CLN6: variants seen among roughly 807,000 people sequenced by gnomAD.
CLN6 encodes the protein ceroid-lipofuscinosis neuronal protein 6.
In CLN6, 22 loss-of-function variants were observed where a neutral mutation model predicts 33.3. The observed-to-expected ratio is 0.66, with a 90% CI of 0.47 to 0.94. CLN6 has a LOEUF of 0.94. Among genes scored for constraint, CLN6 ranks in the 40% least tolerant of loss-of-function variants. The pLI is 0.00. For missense variants in CLN6, 387 were observed against 417.1 expected, an observed-to-expected ratio of 0.93 and a Z score of 0.63; for synonymous variants, 201 against 174.6, an observed-to-expected ratio of 1.15 and a Z score of -1.19.
At position 68,246,119 on chromosome 15, in the gene CLN6, G is replaced by A. The variant is rs2141164397; in HGVS notation, c.179+10571C>T. Reference sequence around the variant, plus strand: ...AGATAGACTGTAATACAATACAGTAGGGGACTTCAACACCCCACTTTTCAG... The same window carrying A: ...AGATAGACTGTAATACAATACAGTAAGGGACTTCAACACCCCACTTTTCAG... On this transcript the variant is annotated intron_variant, in intron 1 of 6. Transcript: ENST00000538696. The surrounding 1 kb of genome is among the most constrained non-coding windows in gnomAD (Gnocchi z 4.5). 6.6e-6 allele frequency among the ~76,000 whole-genome samples: 1 copy of A among 152,186 alleles called. No individual in the cohort carries two copies. Among genetic ancestry groups the A allele is most frequent in the East Asian group, 1.9e-4 (1 of 5,192 alleles).
intron 1 of CLN6, among the ~76,000 whole-genome samples, chr15:68,238,110 G>A (rs1362374801): frequency 6.7e-6 from 1 of 148,858 alleles, no homozygotes; most frequent in Non-Finnish European, 1.5e-5. Flanking sequence ...ATGACAGAAT[G>A]AGACTCTGTC....
chr15:68,250,079 C>T (rs1168233000), intron 1 of CLN6, among the ~76,000 whole-genome samples: 8 of 152,072 alleles, frequency 5.3e-5, no homozygotes, highest in Admixed American at 2.6e-4. Context: ...CACTATTGGA[C>T]ATTTCAAAAT....
Position 68,227,295 on chromosome 15 carries a change from T to C in CLN6, c.83+2207A>G, listed in dbSNP as rs1236763284. 6.6e-6 allele frequency among the ~76,000 whole-genome samples: 1 copy of C among 152,200 alleles called. No individual in the cohort carries two copies. Among genetic ancestry groups the C allele is most frequent in the African/African-American group, 2.4e-5 (1 of 41,460 alleles). ...CTCAAGTGATCCACCCACCTTGGCC[T>C]CCCAAAGTGCTGGGATTACAGGCGT... is the stretch of plus-strand genomic sequence containing the variant. On this transcript the variant is annotated intron_variant, in intron 1 of 6. Coordinates refer to ENST00000249806, the MANE Select transcript of CLN6 (RefSeq NM_017882.3). This position sits in a 1 kb window ranked among gnomAD's most constrained non-coding sequence, Gnocchi z 4.1.
At chr15:68,226,500 C>G (rs2093252423) in intron 1 of CLN6, among the ~76,000 whole-genome samples, 1 of 151,882 alleles carries the variant, frequency 6.6e-6, no homozygotes, top group African/African-American at 2.4e-5. Flanking sequence ...GAGTCTCACT[C>G]TTGTTGCCCA....
chr15:68,208,397 C>T lies in CLN6; in HGVS notation c.679G>A (p.Glu227Lys), dbSNP rs746753722. 9.9e-6 allele frequency: 16 copies of T among 1,612,754 alleles called. No individual in the cohort carries two copies. The highest frequency in any genetic ancestry group is 2.7e-5 in the African/African-American group (2 of 74,890). The change falls in exon 7 of 7, where the codon GAG (glutamate) becomes AAG (lysine). Residue 227 changes from glutamate to lysine, a missense_variant. Coordinates refer to ENST00000249806, the MANE Select transcript of CLN6 (RefSeq NM_017882.3). The surrounding 1 kb of genome is among the most constrained non-coding windows in gnomAD (Gnocchi z 5.8). ...ATGAAGAGGATGAAGATCTGGCCCT[C>T]GGTGACCAGGTACCTGGAAAGGCCA... ...SGLYYWYLVT[E>K]GQIFILFIFT...
chr15:68,247,427 A>AAAC lies in CLN6; in HGVS notation c.179+9260_179+9262dup, dbSNP rs1049641377. On this transcript the variant is annotated intron_variant, in intron 1 of 6. Transcript: ENST00000538696. This position sits in a 1 kb window ranked among gnomAD's most constrained non-coding sequence, Gnocchi z 4.2. ...ATTTATAATAGCTGCAAAAACAAACAAACAACAACAACAACAACAAAACCT... is the reference window on the plus strand; with the variant it reads ...ATTTATAATAGCTGCAAAAACAAACAAACAACAACAACAACAACAACAAAACCT... Among the ~76,000 whole-genome samples the AAAC allele has an allele frequency of 1.3e-5, 2 of 152,044 alleles. No individual in the cohort carries two copies. Among genetic ancestry groups the AAAC allele is most frequent in the African/African-American group, 2.4e-5 (1 of 41,364 alleles).
chr15:68,256,610 A>G lies in CLN6; in HGVS notation c.179+80T>C, dbSNP rs898581589. On this transcript the variant is annotated intron_variant, in intron 1 of 6. Coordinates refer to the CLN6 transcript ENST00000538696. This position sits in a 1 kb window ranked among gnomAD's most constrained non-coding sequence, Gnocchi z 4.1. ...CGTGGCTGGCTTCAGGGGTGTGGGC[A>G]GTGCAGTCGCACAGGGCCCCACGTT... 3.4e-6 allele frequency: 2 copies of G among 583,616 alleles called. No individual in the cohort carries two copies. The highest frequency in any genetic ancestry group is 6.1e-6 in the Non-Finnish European group (2 of 325,848). The allele number at this position is 583,616 out of a possible 1,614,324, so 36.2% of individuals were successfully genotyped here.
At chr15:68,223,843 C>T (rs541740476) in intron 1 of CLN6, among the ~76,000 whole-genome samples, 2 of 151,702 alleles carry the variant, frequency 1.3e-5, no homozygotes, top group African/African-American at 4.8e-5. Context: ...GTCAGGAGTT[C>T]GAGACCAGCC....
In CLN6 at chr15:68,209,456, G is replaced by A. The variant is rs1344809104; in HGVS notation, c.665+181C>T. On this transcript the variant is annotated intron_variant, in intron 6 of 6. Coordinates refer to ENST00000249806, the MANE Select transcript of CLN6 (RefSeq NM_017882.3). This position sits in a 1 kb window ranked among gnomAD's most constrained non-coding sequence, Gnocchi z 4.9. ...TGCCACACCCAGGCCTGGGCTTCAT[G>A]GAAACAAAGAGGCCACCACAGGGCA... Among the ~76,000 whole-genome samples, 1 of 152,156 alleles carries A rather than the reference G, an allele frequency of 6.6e-6. No homozygotes were observed. The highest frequency in any genetic ancestry group is 1.5e-5 in the Non-Finnish European group (1 of 68,028).
At chr15:68,252,476 G>T (rs1486977603) in intron 1 of CLN6, among the ~76,000 whole-genome samples, 1 of 152,174 alleles carries the variant, frequency 6.6e-6, no homozygotes. Flanking sequence ...AACAAATTTA[G>T]TAGCAAGTAC....
chr15:68,211,930 C>T lies in CLN6; in HGVS notation c.298-67G>A. 1 of 1,520,038 alleles carries T rather than the reference C, an allele frequency of 6.6e-7. No individual in the cohort carries two copies. 94.2% of individuals were successfully genotyped at this position (1,520,038 alleles called of 1,614,324 possible). A position where few individuals can be genotyped will look rare whatever the true frequency, so the allele number is the denominator to read the frequency against. On this transcript the variant is annotated intron_variant, in intron 3 of 6. Coordinates refer to ENST00000249806, the MANE Select transcript of CLN6 (RefSeq NM_017882.3). The surrounding 1 kb of genome is among the most constrained non-coding windows in gnomAD (Gnocchi z 5.9). ...TCACAGTATGTGACACCCTCTGCTT[C>T]CCCCCTCACACCTGGGGTGGGATGG...
rs965442117 is a variant in CLN6, at chr15:68,237,029, C to T, written c.180-18379G>A. 3.6e-4 allele frequency among the ~76,000 whole-genome samples: 54 copies of T among 151,170 alleles called. 1 individual carries two copies. The highest frequency in any genetic ancestry group is 7.2e-4 in the Admixed American group (11 of 15,194). On this transcript the variant is annotated intron_variant, in intron 1 of 6. Coordinates refer to the CLN6 transcript ENST00000538696. ...AAAATTAGCCGGGCGCGGTGGCGGGCGCCTGTAGTCCCAGCTACTCGGGAG... is the reference window on the plus strand; with the variant it reads ...AAAATTAGCCGGGCGCGGTGGCGGGTGCCTGTAGTCCCAGCTACTCGGGAG...
In CLN6 at chr15:68,210,920, C is replaced by T. The variant is rs1319428603; in HGVS notation, c.542+343G>A. Among the ~76,000 whole-genome samples, 1 of 152,162 alleles carries T rather than the reference C, an allele frequency of 6.6e-6. No homozygotes were observed. Among genetic ancestry groups the T allele is most frequent in the Non-Finnish European group, 1.5e-5 (1 of 68,026 alleles). ...TGGGGGTTGTTTATCAGGGACGCGT[C>T]CTCCTCCCCCACCCTCAGGGCTCAG... is the stretch of plus-strand genomic sequence containing the variant. On this transcript the variant is annotated intron_variant, in intron 5 of 6. Coordinates refer to ENST00000249806, the MANE Select transcript of CLN6 (RefSeq NM_017882.3). The surrounding 1 kb of genome is among the most constrained non-coding windows in gnomAD (Gnocchi z 5.6).
chr15:68,208,508 G>T lies in CLN6; in HGVS notation c.666-98C>A. 1.5e-6 allele frequency: 2 copies of T among 1,352,946 alleles called. No homozygotes were observed. The highest frequency in any genetic ancestry group is 2.1e-6 in the Non-Finnish European group (2 of 963,248). The allele number at this position is 1,352,946 out of a possible 1,614,324, so 83.8% of individuals were successfully genotyped here. ...GAGAGCCAGGCTGCCCTCCAGGCAG[G>T]CAGAAGAGTCCTCTGGTGCCAGGGC... On this transcript the variant is annotated intron_variant, in intron 6 of 6. Transcript: ENST00000249806. The surrounding 1 kb of genome is among the most constrained non-coding windows in gnomAD (Gnocchi z 5.8).
At chr15:68,251,166 C>T (rs1230472828) in intron 1 of CLN6, among the ~76,000 whole-genome samples, 1 of 152,014 alleles carries the variant, frequency 6.6e-6, no homozygotes, top group Non-Finnish European at 1.5e-5. Context: ...AACTTTAGTC[C>T]ATCACATTAA....
At position 68,208,881 on chromosome 15, in the gene CLN6, G is replaced by A. The variant is rs922549385; in HGVS notation, c.666-471C>T. ...AGAGCATACAGATGAGCCCCAGTGG[G>A]CCATCTCAGCCACATAGGGGACAGG... On this transcript the variant is annotated intron_variant, in intron 6 of 6. Coordinates refer to ENST00000249806, the MANE Select transcript of CLN6 (RefSeq NM_017882.3). The surrounding 1 kb of genome is among the most constrained non-coding windows in gnomAD (Gnocchi z 5.8). Among the ~76,000 whole-genome samples, 5 of 152,200 alleles carry A rather than the reference G, an allele frequency of 3.3e-5. No homozygotes were observed. Among genetic ancestry groups the A allele is most frequent in the Non-Finnish European group, 4.4e-5 (3 of 68,034 alleles).
chr15:68,230,874 TC>T (rs980511436), upstream of CLN6, among the ~76,000 whole-genome samples: 1 of 151,812 alleles, frequency 6.6e-6, no homozygotes, highest in Non-Finnish European at 1.5e-5. This position sits in a 1 kb window ranked among gnomAD's most constrained non-coding sequence, Gnocchi z 4.0. Flanking sequence ...ACTCCCATTC[TC>T]CCCACCACCC....
chr15:68,243,146 C>T (rs1892293474), intron 1 of CLN6, among the ~76,000 whole-genome samples: 1 of 152,068 alleles, frequency 6.6e-6, no homozygotes, highest in Admixed American at 6.6e-5. Flanking sequence ...TTGTCCTAAC[C>T]TAAAAGAGTA....
chr15:68,217,844 C>CTATA (rs1249845226), intron 2 of CLN6, among the ~76,000 whole-genome samples: 1 of 151,910 alleles, frequency 6.6e-6, no homozygotes, highest in Non-Finnish European at 1.5e-5. Context: ...TCACGTTCGT[C>CTATA]TATTTATTAT....
Sources: gnomAD v4.1 joint callset for allele counts (sites outside exome capture counted in the v4.1 genomes callset) on GRCh38, gnomAD v4.1.1 for gene constraint, Gnocchi (gnomAD v3.1) non-coding constraint, MANE v1.5 for transcripts, NCBI Gene and HGNC (gene_info 2026-07-23, HGNC 2026-07-21) for gene names.